The following OSBPL9 variants were observed in gnomAD, a reference collection of about 807,000 sequenced individuals.
OSBPL9 encodes oxysterol-binding protein-related protein 9.
Under a neutral mutation model 106.6 loss-of-function variants are expected in OSBPL9, and 40 were observed. The observed-to-expected ratio is 0.38, with a 90% CI of 0.29 to 0.49. The LOEUF is 0.49. Among genes scored for constraint, OSBPL9 ranks in the 20% least tolerant of loss-of-function variants. The pLI, the probability that OSBPL9 is intolerant of heterozygous loss-of-function variation, is 0.97. For missense variants in OSBPL9, 609 were observed against 887.2 expected (o/e 0.69, Z 3.98); for synonymous variants, 269 against 295.4 (o/e 0.91, Z 0.92).
the OSBPL9 span, among the ~76,000 whole-genome samples, chr1:51,553,688 T>A: frequency 2.7e-5 from 4 of 150,884 alleles, no homozygotes; most frequent in African/African-American, 7.4e-5. Flanking sequence ...AAAAAAAATT[T>A]TTTTTTTTTG....
intron 4 of OSBPL9, among the ~76,000 whole-genome samples, chr1:51,737,563 TG>T (rs1665982674): frequency 6.6e-6 from 1 of 151,524 alleles, no homozygotes; most frequent in African/African-American, 2.4e-5. Context: ...TGTGTGTGTG[TG>T]TGTGTGTGTG....
intron 1 of OSBPL9, among the ~76,000 whole-genome samples, chr1:51,629,764 C>T (rs549464522): frequency 1.2e-3 from 185 of 152,130 alleles, no homozygotes; most frequent in African/African-American, 4.2e-3. Flanking sequence ...GCCTGGCCAA[C>T]GTGGTGAAAC....
At chr1:51,719,239 G>A (rs761628659) in intron 4 of OSBPL9, among the ~76,000 whole-genome samples, 1 of 152,170 alleles carries the variant, frequency 6.6e-6, no homozygotes, top group Non-Finnish European at 1.5e-5. Context: ...GGCTCTTATG[G>A]AAGCTGAATT....
chr1:51,580,954 A>AT (rs869053368), intron 1 of OSBPL9, among the ~76,000 whole-genome samples: 477 of 3,114 alleles, frequency 0.15, 199 homozygotes, highest in Non-Finnish European at 0.2. Flanking sequence ...ATATATATAT[A>AT]ACTTTTTTGA....
intron 1 of OSBPL9, among the ~76,000 whole-genome samples, chr1:51,589,568 A>G (rs914428681): frequency 1.3e-5 from 2 of 152,132 alleles, no homozygotes; most frequent in African/African-American, 4.8e-5. Flanking sequence ...AGAAGAAAAC[A>G]TTTAAGCAGA....
At chr1:51,532,981 T>A in the OSBPL9 span, among the ~76,000 whole-genome samples, 1 of 152,124 alleles carries the variant, frequency 6.6e-6, no homozygotes, top group Non-Finnish European at 1.5e-5. Context: ...AATTATTAAA[T>A]GGTAATTGGT....
chr1:51,768,680 G>A (rs1202526878), intron 12 of OSBPL9, among the ~76,000 whole-genome samples: 1 of 152,204 alleles, frequency 6.6e-6, no homozygotes, highest in Non-Finnish European at 1.5e-5. Flanking sequence ...CTCTGGCTCC[G>A]TTTTGAGGGA....
chr1:51,568,928 C>T, the OSBPL9 span, among the ~76,000 whole-genome samples: 1 of 152,102 alleles, frequency 6.6e-6, no homozygotes, highest in Admixed American at 6.6e-5. Flanking sequence ...GGCCAGGATG[C>T]TCTCGAACTC....
intron 1 of OSBPL9, among the ~76,000 whole-genome samples, chr1:51,617,932 C>A (rs1644169866): frequency 6.6e-6 from 1 of 151,888 alleles, no homozygotes; most frequent in African/African-American, 2.4e-5. Flanking sequence ...TTCAGGGCTT[C>A]ACTGTTGTTA....
chr1:51,695,880 G>A (rs895695690), intron 3 of OSBPL9, among the ~76,000 whole-genome samples: 1 of 152,196 alleles, frequency 6.6e-6, no homozygotes, highest in Non-Finnish European at 1.5e-5. Context: ...TACAGTTAGA[G>A]ATGGGGCTCA....
At chr1:51,724,428 C>A (rs780645110) in intron 4 of OSBPL9, among the ~76,000 whole-genome samples, 3 of 151,938 alleles carry the variant, frequency 2.0e-5, no homozygotes, top group Admixed American at 2.0e-4. Flanking sequence ...AGATTACAGG[C>A]GCCCACCACC....
upstream of OSBPL9, among the ~76,000 whole-genome samples, chr1:51,574,857 A>C (rs1645174137): frequency 6.6e-6 from 1 of 152,242 alleles, no homozygotes; most frequent in Non-Finnish European, 1.5e-5. Flanking sequence ...GACAATGAGC[A>C]ATCAATTTCC....
At chr1:51,772,801 G>T in intron 14 of OSBPL9, 78 bp downstream of exon 14, 2 of 958,808 alleles carry the variant, frequency 2.1e-6, no homozygotes, top group Non-Finnish European at 3.4e-6. Context: ...GCCTGCAAAT[G>T]TAGTAAAATG....
intron 15 of OSBPL9, among the ~76,000 whole-genome samples, chr1:51,778,307 G>A (rs79691934): frequency 0.012 from 1,813 of 152,250 alleles, 37 homozygotes; most frequent in African/African-American, 0.042. Context: ...AAATGGTAGA[G>A]TTAATCCCAA....
chr1:51,580,135 T>C (rs1645212515), intron 1 of OSBPL9, among the ~76,000 whole-genome samples: 1 of 152,316 alleles, frequency 6.6e-6, no homozygotes, highest in East Asian at 1.9e-4. Context: ...CCTGCCAGTC[T>C]ACCTGTATGT....
At position 51,787,849 on chromosome 1, in the gene OSBPL9, A is replaced by T. The variant is rs1571817984; in HGVS notation, c.*60A>T. 2 of 1,430,208 alleles carry T rather than the reference A, an allele frequency of 1.4e-6. No individual in the cohort carries two copies. The highest frequency in any genetic ancestry group is 2.0e-6 in the Non-Finnish European group (2 of 1,015,240). 88.6% of individuals were successfully genotyped at this position (1,430,208 alleles called of 1,614,324 possible). On this transcript the variant is annotated 3_prime_UTR_variant, in exon 24 of 24. Transcript: ENST00000428468. ...GGCAGTAGGCATAATTCAGCAACAA[A>T]CAATCTTCCTTTGGGAGAAACCTGT...
At chr1:51,765,196 G>T (rs938980412) in intron 11 of OSBPL9, among the ~76,000 whole-genome samples, 3 of 152,058 alleles carry the variant, frequency 2.0e-5, no homozygotes, top group Non-Finnish European at 4.4e-5. Flanking sequence ...GACTATTTAG[G>T]AATAGAAAAA....
chr1:51,567,803 G>A, the OSBPL9 span: 1 of 152,210 alleles, frequency 6.6e-6, no homozygotes, highest in Admixed American at 6.5e-5. Context: ...AATGAGGGAT[G>A]ACCTGTACTT....
At chr1:51,750,890 T>C (rs1327308765) in intron 8 of OSBPL9, among the ~76,000 whole-genome samples, 2 of 152,172 alleles carry the variant, frequency 1.3e-5, no homozygotes, top group African/African-American at 4.8e-5. Context: ...TTGAGAAATG[T>C]TGTTTGAATG....
Sources: allele counts gnomAD v4.1 joint callset (sites outside exome capture counted in the v4.1 genomes callset), GRCh38; gene constraint gnomAD v4.1.1; transcripts MANE v1.5; gene names NCBI Gene and HGNC (gene_info 2026-07-23, HGNC 2026-07-21).